The following PPP2R2C variants were observed in gnomAD, a reference collection of about 807,000 sequenced individuals.
PPP2R2C encodes protein phosphatase 2 regulatory subunit Bgamma.
PPP2R2C carries 10 observed loss-of-function variants against 45.3 expected under a neutral mutation model. That is an observed-to-expected ratio of 0.22 (90% CI 0.14 to 0.37). PPP2R2C has a LOEUF of 0.37. PPP2R2C is among the 10% of genes least tolerant of loss of function. PPP2R2C has a pLI of 1.00. For synonymous variants in PPP2R2C, 257 were observed against 245.4 expected (o/e 1.05, Z -0.44); for missense variants, 308 against 619.7 (o/e 0.50, Z 5.34).
chr4:6,421,938 G>A (rs1476887215), intron 1 of PPP2R2C, among the ~76,000 whole-genome samples: 1 of 152,252 alleles, frequency 6.6e-6, no homozygotes, highest in South Asian at 2.1e-4. Flanking sequence ...TGAGCAGAAT[G>A]TAAGTGAAGT....
intron 1 of PPP2R2C, among the ~76,000 whole-genome samples, chr4:6,407,068 G>T (rs1717845024): frequency 6.6e-6 from 1 of 152,166 alleles, no homozygotes; most frequent in Non-Finnish European, 1.5e-5. Context: ...AGAGAAGGAA[G>T]GATCCACCCC....
rs191083406 is a variant in PPP2R2C, at chr4:6,407,534, A to G, written c.71-26440T>C. Among the ~76,000 whole-genome samples the G allele has an allele frequency of 5.3e-5, 8 of 152,290 alleles. No homozygotes were observed. The East Asian group carries it at 1.5e-3, about 29-fold the overall frequency. On this transcript the variant is annotated intron_variant, in intron 1 of 8. Transcript: ENST00000382599. ...TTCAGCCTCCCAAGTAGCTGGGACA[A>G]CAGGCACCCGCCACCACACCCGGCT...
chr4:6,547,520 C>A (rs1025988554), intron 1 of PPP2R2C, among the ~76,000 whole-genome samples: 5 of 152,076 alleles, frequency 3.3e-5, no homozygotes, highest in African/African-American at 1.2e-4. Flanking sequence ...CACCAATAAC[C>A]AAGCATTCCT....
At chr4:6,371,417 C>T (rs930869884) in intron 5 of PPP2R2C, among the ~76,000 whole-genome samples, 4 of 152,244 alleles carry the variant, frequency 2.6e-5, no homozygotes, top group Admixed American at 1.3e-4. Flanking sequence ...ACAGCTATCC[C>T]GGCTTCTACT....
rs143018975 is a variant in PPP2R2C, at chr4:6,356,699, A to C, written c.626-8689T>G. 5.3e-3 allele frequency among the ~76,000 whole-genome samples: 800 copies of C among 152,358 alleles called. 4 individuals carry two copies. The Middle Eastern group carries it at 0.054, about 10-fold the overall frequency. On this transcript the variant is annotated intron_variant, in intron 5 of 8. Coordinates refer to ENST00000382599, the MANE Select transcript of PPP2R2C (RefSeq NM_020416.4). ...TGGGCGCTCTGTAGGTGAGCTGCTG[A>C]GAAGGTCTGCGGCCTGTTCTGCCTG... is the stretch of plus-strand genomic sequence containing the variant.
chr4:6,347,818 C>A, intron 6 of PPP2R2C, 28 bp downstream of exon 6: 2 of 1,535,058 alleles, frequency 1.3e-6, no homozygotes, highest in African/African-American at 1.4e-5. Flanking sequence ...CAATGCACAG[C>A]CCCCCACCCC....
At chr4:6,503,347 A>G (rs1272837706) in intron 2 of PPP2R2C, among the ~76,000 whole-genome samples, 2 of 152,108 alleles carry the variant, frequency 1.3e-5, no homozygotes, top group Non-Finnish European at 2.9e-5. Flanking sequence ...GTCCCTTGAT[A>G]TTCCTTCTTA....
At chr4:6,484,932 T>C (rs993571304) in intron 2 of PPP2R2C, among the ~76,000 whole-genome samples, 1 of 151,882 alleles carries the variant, frequency 6.6e-6, no homozygotes, top group Non-Finnish European at 1.5e-5. Context: ...TCTTGCTTTA[T>C]TGCACTAGCT....
chr4:6,332,212 CA>C lies in PPP2R2C; in HGVS notation c.960+1349del, dbSNP rs999743344. 3.9e-5 allele frequency among the ~76,000 whole-genome samples: 6 copies of C among 152,252 alleles called. No individual in the cohort carries two copies. The highest frequency in any genetic ancestry group is 1.4e-4 in the African/African-American group (6 of 41,542). ...GGGGCCGGAGGGGGTTGGAAATGTT[CA>C]TTTCCCTGAGCTGCCTCCAGAGGGA... On this transcript the variant is annotated intron_variant, in intron 7 of 8. Coordinates refer to ENST00000382599, the MANE Select transcript of PPP2R2C (RefSeq NM_020416.4). The surrounding 1 kb of genome is among the most constrained non-coding windows in gnomAD (Gnocchi z 4.9).
At chr4:6,432,480 C>A (rs112339694) in intron 1 of PPP2R2C, among the ~76,000 whole-genome samples, 2,703 of 152,288 alleles carry the variant, frequency 0.018, 93 homozygotes, top group African/African-American at 0.062. Flanking sequence ...TACTCCAGCA[C>A]CTTCAACAAC....
At chr4:6,373,863 G>A (rs1284692542) in intron 4 of PPP2R2C, among the ~76,000 whole-genome samples, 1 of 152,044 alleles carries the variant, frequency 6.6e-6, no homozygotes, top group Admixed American at 6.5e-5. Flanking sequence ...GTGCATGTGA[G>A]TGTGCATGCA....
At chr4:6,360,947 G>A (rs1713676354) in intron 5 of PPP2R2C, among the ~76,000 whole-genome samples, 1 of 152,070 alleles carries the variant, frequency 6.6e-6, no homozygotes, top group Admixed American at 6.5e-5. Flanking sequence ...ATCTCTCTGT[G>A]GGTTCTAATC....
rs1028578314 is a variant in PPP2R2C, at chr4:6,383,299, A to G, written c.71-2205T>C. 7 of 1,272,050 alleles carry G rather than the reference A, an allele frequency of 5.5e-6. No homozygotes were observed. The Admixed American group carries it at 1.4e-4, about 26-fold the overall frequency. 78.8% of individuals were successfully genotyped at this position (1,272,050 alleles called of 1,614,324 possible). On this transcript the variant is annotated intron_variant, in intron 1 of 8. Transcript: ENST00000382599. Reference sequence around the variant, plus strand: ...CCCCACTGACCCACAGAGCAGGGCAAGCCCAGCCAAGCCCAGACCACAGAA... The same window carrying G: ...CCCCACTGACCCACAGAGCAGGGCAGGCCCAGCCAAGCCCAGACCACAGAA...
intron 1 of PPP2R2C, among the ~76,000 whole-genome samples, chr4:6,411,424 C>T (rs928858603): frequency 6.6e-6 from 1 of 152,138 alleles, no homozygotes; most frequent in African/African-American, 2.4e-5. Context: ...GGAGGTGTCT[C>T]CTCCCATCAT....
At chr4:6,441,470 G>C (rs528703606) in intron 1 of PPP2R2C, among the ~76,000 whole-genome samples, 5 of 152,122 alleles carry the variant, frequency 3.3e-5, no homozygotes, top group Admixed American at 3.3e-4. Context: ...GCAAGTCACA[G>C]TCTTGCCCTC....
chr4:6,349,277 T>C, intron 5 of PPP2R2C: 2 of 985,406 alleles, frequency 2.0e-6, no homozygotes, highest in Non-Finnish European at 2.4e-6. Flanking sequence ...AGTTGGAAGG[T>C]CTGGGGTTTG....
chr4:6,428,184 G>A (rs1719434185), intron 1 of PPP2R2C, among the ~76,000 whole-genome samples: 2 of 152,238 alleles, frequency 1.3e-5, no homozygotes, highest in Non-Finnish European at 2.9e-5. Flanking sequence ...GATCAAGACT[G>A]TTTGGTGGGT....
At chr4:6,375,462 A>G (rs1179361932) in intron 4 of PPP2R2C, among the ~76,000 whole-genome samples, 1 of 151,732 alleles carries the variant, frequency 6.6e-6, no homozygotes, top group Non-Finnish European at 1.5e-5. Flanking sequence ...CTGCCTACTC[A>G]CTCAGCTGAG....
chr4:6,348,647 A>G, intron 5 of PPP2R2C: 11 of 985,296 alleles, frequency 1.1e-5, no homozygotes, highest in Non-Finnish European at 1.3e-5. Flanking sequence ...GACTTGGAAT[A>G]CTGAAAAGGC....
Sources: gnomAD v4.1 joint callset for allele counts (sites outside exome capture counted in the v4.1 genomes callset) on GRCh38, gnomAD v4.1.1 for gene constraint, Gnocchi (gnomAD v3.1) non-coding constraint, MANE v1.5 for transcripts, NCBI Gene and HGNC (gene_info 2026-07-23, HGNC 2026-07-21) for gene names.